Variants in BMERB1 observed in about 807,000 individuals in gnomAD.
The protein encoded by BMERB1 is bMERB domain containing 1, also known as bMERB domain-containing protein 1.
A neutral mutation model predicts 23.6 loss-of-function variants in BMERB1; 12 were observed. The ratio of observed to expected loss-of-function variants is 0.51; its 90% CI spans 0.33 to 0.82. BMERB1 has a LOEUF of 0.82. Among genes scored for constraint, BMERB1 ranks in the 40% least tolerant of loss-of-function variants. The probability of loss-of-function intolerance (pLI) is 0.03; values close to 1 mark genes in which losing one functional copy is unlikely to be tolerated. For missense variants in BMERB1, 247 were observed against 255.4 expected, an observed-to-expected ratio of 0.97 and a Z score of 0.22; for synonymous variants, 122 against 96.6, an observed-to-expected ratio of 1.26 and a Z score of -1.54.
At chr16:15,434,829 G>C in intron 1 of BMERB1, 70 bp downstream of exon 1, 1 of 1,353,890 alleles carries the variant, frequency 7.4e-7, no homozygotes, top group South Asian at 1.5e-5. Context: ...GGGTGGTCGC[G>C]GGAGCGCGAG....
intron 2 of BMERB1, among the ~76,000 whole-genome samples, chr16:15,521,629 C>T (rs57694455): frequency 0.087 from 13,285 of 152,152 alleles, 1,845 homozygotes; most frequent in African/African-American, 0.3. Context: ...CTCTGAATTT[C>T]CAGTGTGTGT....
At chr16:15,466,096 T>C (rs1233464258) in intron 1 of BMERB1, among the ~76,000 whole-genome samples, 2 of 152,114 alleles carry the variant, frequency 1.3e-5, no homozygotes, top group African/African-American at 4.8e-5. Context: ...AGGGTTTTTA[T>C]CTAGAATTGA....
At chr16:15,451,226 G>C (rs2051038628) in intron 1 of BMERB1, among the ~76,000 whole-genome samples, 1 of 152,116 alleles carries the variant, frequency 6.6e-6, no homozygotes, top group African/African-American at 2.4e-5. Flanking sequence ...TCTGGAGCGA[G>C]TCTCACCCAG....
intron 1 of BMERB1, among the ~76,000 whole-genome samples, chr16:15,472,681 A>G (rs1344339579): frequency 1.1e-5 from 1 of 93,700 alleles, no homozygotes; most frequent in Admixed American, 1.3e-4. Context: ...TAATGTTTTC[A>G]TGTTCATTTT....
chr16:15,545,716 G>T (rs1003567690), intron 2 of BMERB1, among the ~76,000 whole-genome samples: 2 of 152,186 alleles, frequency 1.3e-5, no homozygotes, highest in Non-Finnish European at 1.5e-5. Flanking sequence ...CATTTGCTCT[G>T]TGGTCAAAGT....
intron 5 of BMERB1, among the ~76,000 whole-genome samples, chr16:15,585,304 C>T (rs7198377): frequency 2.1e-4 from 32 of 152,168 alleles, no homozygotes; most frequent in African/African-American, 7.2e-4. Context: ...ATGATTCTGG[C>T]GAGAAATCAA....
chr16:15,581,405 C>G (rs2031012077), intron 4 of BMERB1, 74 bp downstream of exon 4: 2 of 1,262,200 alleles, frequency 1.6e-6, no homozygotes, highest in Non-Finnish European at 2.2e-6. Flanking sequence ...AACCCATCTT[C>G]TGCTCCTGGG....
chr16:15,459,575 A>G (rs2150927262), intron 1 of BMERB1, among the ~76,000 whole-genome samples: 1 of 152,318 alleles, frequency 6.6e-6, no homozygotes, highest in South Asian at 2.1e-4. Context: ...CAACAATTAT[A>G]TATGTGTCCA....
chr16:15,548,038 G>A (rs573334425), intron 2 of BMERB1, among the ~76,000 whole-genome samples: 19 of 152,296 alleles, frequency 1.2e-4, no homozygotes, highest in African/African-American at 2.9e-4. Flanking sequence ...GGGCTGGAGC[G>A]CAGTGGCATG....
At chr16:15,439,867 G>T (rs1035412878) in intron 1 of BMERB1, among the ~76,000 whole-genome samples, 2 of 152,122 alleles carry the variant, frequency 1.3e-5, no homozygotes, top group Non-Finnish European at 2.9e-5. Context: ...TGATAGATTT[G>T]TATGTGTCTT....
chr16:15,538,346 G>A lies in BMERB1; in HGVS notation c.230+22918G>A, dbSNP rs1008790114. Among the ~76,000 whole-genome samples the A allele has an allele frequency of 7.2e-5, 11 of 152,096 alleles. 1 individual carries two copies. Among genetic ancestry groups the A allele is most frequent in the African/African-American group, 2.7e-4 (11 of 41,418 alleles). On this transcript the variant is annotated intron_variant, in intron 2 of 5. Transcript: ENST00000300006. ...TGTGCACCTGTAATCCCAGCTACTT[G>A]GGAGGCTGAGGCACCAGGATCACTT... is the stretch of plus-strand genomic sequence containing the variant.
chr16:15,508,843 A>G (rs1286740060), intron 1 of BMERB1, among the ~76,000 whole-genome samples: 1 of 151,850 alleles, frequency 6.6e-6, no homozygotes, highest in South Asian at 2.1e-4. Context: ...AAAAAAAAAA[A>G]AAAAAAAGAT....
At chr16:15,491,445 A>G (rs1027913475) in intron 1 of BMERB1, among the ~76,000 whole-genome samples, 2 of 149,986 alleles carry the variant, frequency 1.3e-5, no homozygotes, top group Non-Finnish European at 3.0e-5. Flanking sequence ...CAGCCTCCCA[A>G]GTAGCTGGGA....
At chr16:15,539,669 C>A (rs1409663938) in intron 2 of BMERB1, among the ~76,000 whole-genome samples, 2 of 151,768 alleles carry the variant, frequency 1.3e-5, no homozygotes, top group African/African-American at 4.8e-5. Flanking sequence ...TGGTGGAAAC[C>A]CAGCCTTTAC....
chr16:15,577,229 G>T (rs981084589), intron 3 of BMERB1: 2 of 152,190 alleles, frequency 1.3e-5, no homozygotes, highest in African/African-American at 4.8e-5. Flanking sequence ...ATTCACCCGT[G>T]TAAGCTTCCA....
intron 1 of BMERB1, among the ~76,000 whole-genome samples, chr16:15,478,900 C>T (rs1034988370): frequency 2.0e-5 from 3 of 152,178 alleles, no homozygotes; most frequent in East Asian, 1.9e-4. Flanking sequence ...GGGAAATACA[C>T]GAAAAGCACT....
Position 15,468,162 on chromosome 16 carries a change from T to TTTTTTTTTTTTTTTTTTTTTTTTTTTTTC in BMERB1, c.106+33404_106+33405insTTTTTTTTTTTTTTTTTTTTTTTTTTTCT, listed in dbSNP as rs57267276. ...TTTTTTTTTTTTTTTTTTTTTTTTT[T>TTTTTTTTTTTTTTTTTTTTTTTTTTTTTC]TGAGGCAGGGTCTCAGTCTGTCACC... is the stretch of plus-strand genomic sequence containing the variant. On this transcript the variant is annotated intron_variant, in intron 1 of 5. Coordinates refer to ENST00000300006, the MANE Select transcript of BMERB1 (RefSeq NM_033201.3). Among the ~76,000 whole-genome samples, 7 of 64,532 alleles carry TTTTTTTTTTTTTTTTTTTTTTTTTTTTTC rather than the reference T, an allele frequency of 1.1e-4. 1 individual carries two copies. The highest frequency in any genetic ancestry group is 4.5e-4 in the Admixed American group (2 of 4,412). The allele number at this position is 64,532 out of a possible 152,430, so 42.3% of individuals were successfully genotyped here.
chr16:15,534,303 A>AAAAG (rs1555511943), intron 2 of BMERB1, among the ~76,000 whole-genome samples: 4 of 116,924 alleles, frequency 3.4e-5, no homozygotes, highest in African/African-American at 1.1e-4. Context: ...AAAAAAAAAA[A>AAAAG]AAAAAAAAAA....
chr16:15,439,715 G>C (rs1408945054), intron 1 of BMERB1, among the ~76,000 whole-genome samples: 1 of 152,142 alleles, frequency 6.6e-6, no homozygotes, highest in Non-Finnish European at 1.5e-5. Flanking sequence ...AAAATGTATA[G>C]TGACATTTCA....
Sources: allele counts gnomAD v4.1 joint callset (sites outside exome capture counted in the v4.1 genomes callset), GRCh38; gene constraint gnomAD v4.1.1; transcripts MANE v1.5; gene names NCBI Gene and HGNC (gene_info 2026-07-23, HGNC 2026-07-21).